KCNAB1: variants seen among roughly 807,000 people sequenced by gnomAD.
The protein encoded by KCNAB1 is voltage-gated potassium channel subunit beta-1.
A neutral mutation model predicts 64.6 loss-of-function variants in KCNAB1; 35 were observed. That is an observed-to-expected ratio of 0.54 (90% CI 0.41 to 0.72). KCNAB1 has a LOEUF of 0.72. Ranked by LOEUF, KCNAB1 falls within the 30% of genes least tolerant of loss-of-function variation. The pLI, the probability that KCNAB1 is intolerant of heterozygous loss-of-function variation, is 0.00. For synonymous variants in KCNAB1, 177 were observed against 183.8 expected (o/e 0.96, Z 0.30); for missense variants, 401 against 512.9 (o/e 0.78, Z 2.11).
chr3:156,420,799 A>G (rs1715414772), intron 1 of KCNAB1, among the ~76,000 whole-genome samples: 1 of 152,142 alleles, frequency 6.6e-6, no homozygotes, highest in Non-Finnish European at 1.5e-5. Context: ...GATTTCCACA[A>G]AGACTTATAG....
At chr3:156,377,640 C>T (rs531836865) in intron 1 of KCNAB1, among the ~76,000 whole-genome samples, 5 of 152,044 alleles carry the variant, frequency 3.3e-5, no homozygotes, top group African/African-American at 9.7e-5. Context: ...TTTTCCTCAT[C>T]GCCACCGAAG....
At chr3:156,532,519 C>G (rs1394264011) in intron 13 of KCNAB1, among the ~76,000 whole-genome samples, 1 of 152,226 alleles carries the variant, frequency 6.6e-6, no homozygotes, top group African/African-American at 2.4e-5. Context: ...GCAACAAGCA[C>G]ACAGCCCTGT....
intron 1 of KCNAB1, among the ~76,000 whole-genome samples, chr3:156,349,159 A>G (rs1724693978): frequency 6.6e-6 from 1 of 152,164 alleles, no homozygotes; most frequent in East Asian, 1.9e-4. Flanking sequence ...ACATCAACTA[A>G]CAGAAATGAT....
At chr3:156,421,028 T>G (rs1715433470) in intron 1 of KCNAB1, among the ~76,000 whole-genome samples, 1 of 149,894 alleles carries the variant, frequency 6.7e-6, no homozygotes, top group Non-Finnish European at 1.5e-5. Context: ...AGGATATAGT[T>G]AAAATAACCT....
chr3:156,361,503 A>G (rs11719801), intron 1 of KCNAB1, among the ~76,000 whole-genome samples: 23,414 of 152,174 alleles, frequency 0.15, 2,008 homozygotes, highest in Middle Eastern at 0.22. Context: ...ACACACACAT[A>G]AAGGTATTTA....
At chr3:156,354,804 C>T (rs1037455208) in intron 1 of KCNAB1, among the ~76,000 whole-genome samples, 10 of 151,524 alleles carry the variant, frequency 6.6e-5, no homozygotes, top group African/African-American at 1.7e-4. Flanking sequence ...GTCCCTATTT[C>T]GTTCCAGAAA....
chr3:156,160,753 T>TG (rs1349367119), intron 1 of KCNAB1, among the ~76,000 whole-genome samples: 1 of 152,174 alleles, frequency 6.6e-6, no homozygotes, highest in Non-Finnish European at 1.5e-5. Context: ...CAAGAGACAT[T>TG]GGGGAAGTTA....
At chr3:156,140,169 A>G (rs1714623400) in intron 1 of KCNAB1, among the ~76,000 whole-genome samples, 1 of 152,362 alleles carries the variant, frequency 6.6e-6, no homozygotes, top group Non-Finnish European at 1.5e-5. Context: ...GCCTCTGGAC[A>G]CTAAGTATCC....
At chr3:156,216,542 C>T (rs551256878) in intron 1 of KCNAB1, among the ~76,000 whole-genome samples, 13 of 152,076 alleles carry the variant, frequency 8.5e-5, no homozygotes, top group South Asian at 4.2e-4. Flanking sequence ...TTAGGTTTTC[C>T]GCCCAAACTA....
chr3:156,330,741 A>G (rs1723279790), intron 1 of KCNAB1, among the ~76,000 whole-genome samples: 1 of 152,114 alleles, frequency 6.6e-6, no homozygotes, highest in South Asian at 2.1e-4. Flanking sequence ...CGGAGCTCCA[A>G]GCATGTTTTC....
intron 1 of KCNAB1, among the ~76,000 whole-genome samples, chr3:156,251,545 T>C (rs1717829057): frequency 6.6e-6 from 1 of 152,128 alleles, no homozygotes; most frequent in Non-Finnish European, 1.5e-5. Context: ...AGAGAGTAAC[T>C]GTCAGGGCTC....
intron 2 of KCNAB1, among the ~76,000 whole-genome samples, chr3:156,433,150 G>A (rs1401500470): frequency 6.6e-6 from 1 of 152,222 alleles, no homozygotes; most frequent in Non-Finnish European, 1.5e-5. Context: ...ACGACACACA[G>A]ATGCCTGCCC....
At chr3:156,248,787 C>T (rs180708517) in intron 1 of KCNAB1, among the ~76,000 whole-genome samples, 1 of 152,256 alleles carries the variant, frequency 6.6e-6, no homozygotes, top group East Asian at 1.9e-4. Context: ...AGTATTTTCC[C>T]CCTGGTTAAG....
intron 1 of KCNAB1, among the ~76,000 whole-genome samples, chr3:156,340,940 T>C (rs1317939116): frequency 6.6e-6 from 1 of 152,236 alleles, no homozygotes; most frequent in African/African-American, 2.4e-5. Flanking sequence ...CTCCCACCTC[T>C]ATCACTTCCA....
chr3:156,225,667 A>G lies in KCNAB1; in HGVS notation c.275+104781A>G, dbSNP rs184325878. 1.1e-3 allele frequency among the ~76,000 whole-genome samples: 160 copies of G among 152,292 alleles called. 1 individual carries two copies. Among genetic ancestry groups the G allele is most frequent in the Non-Finnish European group, 1.0e-4 (7 of 68,022 alleles). ...CTGATGGTATGATTGTATACCTAGAAAAACCTAAAGACTCATCCAAAAAGC... is the reference window on the plus strand; with the variant it reads ...CTGATGGTATGATTGTATACCTAGAGAAACCTAAAGACTCATCCAAAAAGC... On this transcript the variant is annotated intron_variant, in intron 1 of 13. Coordinates refer to ENST00000490337, the MANE Select transcript of KCNAB1 (RefSeq NM_172160.3).
At chr3:156,499,451 T>C (rs1188227821) in intron 8 of KCNAB1, among the ~76,000 whole-genome samples, 6 of 152,208 alleles carry the variant, frequency 3.9e-5, no homozygotes, top group African/African-American at 1.2e-4. Flanking sequence ...AGTTGAGAAA[T>C]AAAGTTTATA....
intron 1 of KCNAB1, chr3:156,227,637 G>T (rs1716264441): frequency 6.6e-6 from 1 of 152,178 alleles, no homozygotes; most frequent in African/African-American, 2.4e-5. Context: ...ATTTGTTCCT[G>T]GTCATGCAGT....
Position 156,474,756 on chromosome 3 carries a change from G to A in KCNAB1, c.594G>A (p.Arg198=), listed in dbSNP as rs1714213624. 1 of 1,613,192 alleles carries A rather than the reference G, an allele frequency of 6.2e-7. No individual in the cohort carries two copies. The highest frequency in any genetic ancestry group is 1.3e-5 in the African/African-American group (1 of 74,856). The change falls in exon 8 of 14, where the codon AGG becomes AGA. Residue 198 remains arginine, a synonymous_variant. Transcript: ENST00000490337. ...CAGGATTGAAGGGCTCCCTCCAGAG[G>A]CTGCAGCTCGAGTATGTGGATGTGG... The part of the protein sequence containing the change: ...IIEGLKGSLQ[R]LQLEYVDVVF...
chr3:156,355,731 C>T (rs1371313568), intron 1 of KCNAB1, among the ~76,000 whole-genome samples: 2 of 152,050 alleles, frequency 1.3e-5, no homozygotes, highest in Non-Finnish European at 1.5e-5. Flanking sequence ...TTGAGGGACT[C>T]GATTTTGAAT....
Sources: gnomAD v4.1 joint callset for allele counts (sites outside exome capture counted in the v4.1 genomes callset) on GRCh38, gnomAD v4.1.1 for gene constraint, MANE v1.5 for transcripts, NCBI Gene and HGNC (gene_info 2026-07-23, HGNC 2026-07-21) for gene names.